Variants in ITPRID1 observed in about 807,000 individuals in gnomAD.
ITPRID1 encodes the protein protein ITPRID1.
In ITPRID1, 96 loss-of-function variants were observed where a neutral mutation model predicts 95.4. The ratio of observed to expected loss-of-function variants is 1.01; its 90% CI spans 0.85 to 1.19. ITPRID1 has a LOEUF of 1.19. Among genes scored for constraint, ITPRID1 ranks in the 50% most tolerant of loss-of-function variants. The pLI is 0.00. For synonymous variants in ITPRID1, 510 were observed against 453.6 expected (o/e 1.12, Z -1.58); for missense variants, 1,339 against 1,252.9 (o/e 1.07, Z -1.04).
At chr7:31,567,861 C>T (rs1021941121) in intron 5 of ITPRID1, among the ~76,000 whole-genome samples, 1 of 152,202 alleles carries the variant, frequency 6.6e-6, no homozygotes, top group Non-Finnish European at 1.5e-5. Context: ...CGTGGTGGCT[C>T]ATGCCTGTAG....
chr7:31,598,398 C>CTT lies in ITPRID1; in HGVS notation c.1228+15229_1228+15230dup, dbSNP rs869161999. On this transcript the variant is annotated intron_variant, in intron 10 of 14. Transcript: ENST00000615280. ...AAATAGCGAATTTCTTTTTTTTTTT[C>CTT]TTTTTTTTTTTTTTTTTTTTTTTGA... 7.3e-3 allele frequency among the ~76,000 whole-genome samples: 780 copies of CTT among 106,724 alleles called. 1 individual carries two copies. The highest frequency in any genetic ancestry group is 0.011 in the African/African-American group (296 of 27,254). The allele number at this position is 106,724 out of a possible 152,430, so 70.0% of individuals were successfully genotyped here.
intron 5 of ITPRID1, among the ~76,000 whole-genome samples, chr7:31,565,701 GCA>G (rs1359339182): frequency 6.6e-6 from 1 of 152,064 alleles, no homozygotes; most frequent in African/African-American, 2.4e-5. Context: ...TCACACCACT[GCA>G]CTCCAGCCTG....
At chr7:31,619,114 T>G (rs887463) in intron 10 of ITPRID1, among the ~76,000 whole-genome samples, 5 of 152,124 alleles carry the variant, frequency 3.3e-5, no homozygotes, top group Middle Eastern at 3.4e-3. Context: ...TCTGTGTATA[T>G]TAGTCACAAC....
chr7:31,642,299 C>G, intron 11 of ITPRID1, 41 bp downstream of exon 11: 1 of 1,323,976 alleles, frequency 7.6e-7, no homozygotes, highest in Non-Finnish European at 1.1e-6. Flanking sequence ...TCATCCCTAA[C>G]ATCCCACTTC....
chr7:31,639,085 G>T (rs750278855), intron 10 of ITPRID1, among the ~76,000 whole-genome samples: 9 of 152,066 alleles, frequency 5.9e-5, no homozygotes, highest in Non-Finnish European at 1.2e-4. Context: ...CCAGTAATTT[G>T]ATTTTCATGT....
At chr7:31,562,044 TAAAAAAAAAAAA>T (rs33912394) in intron 5 of ITPRID1, among the ~76,000 whole-genome samples, 2 of 52,510 alleles carry the variant, frequency 3.8e-5, no homozygotes, top group Admixed American at 2.4e-4. Flanking sequence ...GCTATGTATT[TAAAAAAAAAAAA>T]AAAAAAAAAA....
intron 1 of ITPRID1, among the ~76,000 whole-genome samples, chr7:31,541,283 A>G (rs1698730062): frequency 6.6e-6 from 1 of 152,220 alleles, no homozygotes; most frequent in Non-Finnish European, 1.5e-5. Context: ...TGTCCTGCAT[A>G]ATATTAATGA....
At chr7:31,633,980 C>T (rs943145970) in intron 10 of ITPRID1, among the ~76,000 whole-genome samples, 2 of 152,192 alleles carry the variant, frequency 1.3e-5, no homozygotes, top group African/African-American at 4.8e-5. Context: ...AATTCAGAAG[C>T]TTTTATTACC....
At chr7:31,651,371 T>A in intron 13 of ITPRID1, 102 bp downstream of exon 13, 2 of 1,325,910 alleles carry the variant, frequency 1.5e-6, no homozygotes, top group Non-Finnish European at 2.0e-6. Flanking sequence ...GCAGAGCTAA[T>A]GAGAAACCGG....
At position 31,652,776 on chromosome 7, in the gene ITPRID1, A is replaced by T. The variant is rs1236039927; in HGVS notation, c.3082A>T (p.Thr1028Ser). 3 of 1,613,658 alleles carry T rather than the reference A, an allele frequency of 1.9e-6. No homozygotes were observed. The highest frequency in any genetic ancestry group is 2.5e-6 in the Non-Finnish European group (3 of 1,179,818). Residue 1028 changes from threonine (T) to serine (S), a missense_variant, in exon 15 of 15, where the codon ACC becomes TCC. Thr to Ser is a moderately conservative substitution (Grantham distance 58, BLOSUM62 1). Transcript: ENST00000615280. Reference protein sequence around the residue: ...SSSAWAKLGPTPLSNCPVGEK... With the variant: ...SSSAWAKLGPSPLSNCPVGEK... ...ATCAGCTTGGGCAAAGTTAGGTCCA[A>T]CCCCTTTGTCAAATTGTCCTGTTGG...
chr7:31,604,599 G>A (rs1363856135), intron 10 of ITPRID1, among the ~76,000 whole-genome samples: 1 of 152,050 alleles, frequency 6.6e-6, no homozygotes, highest in Non-Finnish European at 1.5e-5. Flanking sequence ...TTTAACTAGG[G>A]GTTGTGTTGA....
At chr7:31,615,686 C>CTAAT (rs3078453) in intron 10 of ITPRID1, among the ~76,000 whole-genome samples, 48,810 of 151,650 alleles carry the variant, frequency 0.32, 8,269 homozygotes, top group East Asian at 0.54. Flanking sequence ...AAGATCATTA[C>CTAAT]TAATAACATA....
intron 1 of ITPRID1, among the ~76,000 whole-genome samples, chr7:31,533,514 A>T (rs1783666635): frequency 6.6e-6 from 1 of 151,994 alleles, no homozygotes; most frequent in Non-Finnish European, 1.5e-5. Flanking sequence ...CTTACTTTGA[A>T]TTTAATTTTT....
chr7:31,521,996 C>T (rs1783278754), intron 1 of ITPRID1, among the ~76,000 whole-genome samples: 1 of 150,094 alleles, frequency 6.7e-6, no homozygotes, highest in African/African-American at 2.5e-5. Flanking sequence ...TGACAACTTC[C>T]AAGCTCTTTA....
At chr7:31,635,746 A>AG (rs1481764493) in intron 10 of ITPRID1, among the ~76,000 whole-genome samples, 1 of 151,638 alleles carries the variant, frequency 6.6e-6, no homozygotes, top group Non-Finnish European at 1.5e-5. Context: ...GGACACAGGG[A>AG]GGGGAACACC....
chr7:31,527,102 C>T (rs576922905), intron 1 of ITPRID1, among the ~76,000 whole-genome samples: 2 of 152,128 alleles, frequency 1.3e-5, no homozygotes, highest in Non-Finnish European at 1.5e-5. Flanking sequence ...TCTCTCTTGA[C>T]CTCAGACCTT....
intron 9 of ITPRID1, among the ~76,000 whole-genome samples, chr7:31,579,879 AG>A (rs900269640): frequency 2.6e-5 from 4 of 152,200 alleles, no homozygotes; most frequent in African/African-American, 7.2e-5. Context: ...GGAAGAAAAA[AG>A]CATACCTTTG....
intron 10 of ITPRID1, among the ~76,000 whole-genome samples, chr7:31,594,597 C>G (rs557356124): frequency 2.6e-5 from 4 of 152,140 alleles, no homozygotes; most frequent in African/African-American, 7.2e-5. Context: ...TGGCTCATGC[C>G]TGTAATCCTA....
Position 31,569,737 on chromosome 7 carries a change from CTACTT to C in ITPRID1, c.257-19_257-15del. Reference sequence around the variant, plus strand: ...AGATAAAACGAAATAAAGTTCCCCTCTACTTTTTTTGTTGTTGCAGTTTCTTTGTA... The same window carrying C: ...AGATAAAACGAAATAAAGTTCCCCTCTTTTTGTTGTTGCAGTTTCTTTGTA... On this transcript the variant is annotated splice_polypyrimidine_tract_variant and intron_variant, in intron 5 of 14. Coordinates refer to ENST00000615280, the MANE Select transcript of ITPRID1 (RefSeq NM_001257967.3). The C allele has an allele frequency of 1.3e-6, 2 of 1,564,304 alleles. No individual in the cohort carries two copies. Among genetic ancestry groups the C allele is most frequent in the Non-Finnish European group, 1.7e-6 (2 of 1,153,026 alleles).
Sources: allele counts gnomAD v4.1 joint callset (sites outside exome capture counted in the v4.1 genomes callset), GRCh38; gene constraint gnomAD v4.1.1; transcripts MANE v1.5; gene names NCBI Gene and HGNC (gene_info 2026-07-23, HGNC 2026-07-21).